GALNT2: variants seen among roughly 807,000 people sequenced by gnomAD.
The protein encoded by GALNT2 is polypeptide N-acetylgalactosaminyltransferase 2.
In GALNT2, 31 loss-of-function variants were observed where a neutral mutation model predicts 81.4. The observed-to-expected ratio is 0.38, with a 90% CI of 0.29 to 0.51. The LOEUF (loss-of-function observed/expected upper bound fraction) is 0.51, where lower values mean the gene tolerates loss of function less well. Ranked by LOEUF, GALNT2 falls within the 20% of genes least tolerant of loss-of-function variation. The probability of loss-of-function intolerance (pLI) is 0.87; values close to 1 mark genes in which losing one functional copy is unlikely to be tolerated. For missense variants in GALNT2, 629 were observed against 765.7 expected (o/e 0.82, Z 2.11); for synonymous variants, 303 against 287.4 (o/e 1.05, Z -0.55).
chr1:230,203,615 A>C (rs550191280), intron 3 of GALNT2, among the ~76,000 whole-genome samples: 1 of 152,330 alleles, frequency 6.6e-6, no homozygotes, highest in South Asian at 2.1e-4. Flanking sequence ...TGATCCATTC[A>C]CAAAAATGCA....
At chr1:230,233,759 T>G (rs1366456304) in intron 3 of GALNT2, among the ~76,000 whole-genome samples, 1 of 152,186 alleles carries the variant, frequency 6.6e-6, no homozygotes, top group Non-Finnish European at 1.5e-5. Context: ...TTAATAAATT[T>G]GTTATTAATG....
At chr1:230,057,798 A>T (rs373836543), upstream of GALNT2, among the ~76,000 whole-genome samples, 543 of 152,340 alleles carry the variant, frequency 3.6e-3, 3 homozygotes, top group African/African-American at 0.012. Context: ...CAGGCACACA[A>T]GGAACTGGCT....
At chr1:230,177,740 AT>A (rs1352863610) in intron 1 of GALNT2, among the ~76,000 whole-genome samples, 1 of 152,192 alleles carries the variant, frequency 6.6e-6, no homozygotes, top group Non-Finnish European at 1.5e-5. Flanking sequence ...GAATTAAATC[AT>A]TTAACACTCT....
chr1:230,108,171 A>C (rs1231043570), intron 1 of GALNT2, among the ~76,000 whole-genome samples: 3 of 152,230 alleles, frequency 2.0e-5, no homozygotes, highest in Non-Finnish European at 4.4e-5. Context: ...CCTGTGAAGC[A>C]ATAGGCACAG....
intron 13 of GALNT2, chr1:230,264,429 C>T (rs1483755301): frequency 6.6e-6 from 1 of 152,214 alleles, no homozygotes; most frequent in Admixed American, 6.5e-5. Flanking sequence ...CAGAGGTCAC[C>T]CATGGTTTGT....
At chr1:230,112,791 G>C (rs565155326) in intron 1 of GALNT2, among the ~76,000 whole-genome samples, 2 of 143,140 alleles carry the variant, frequency 1.4e-5, no homozygotes, top group African/African-American at 5.1e-5. Flanking sequence ...AGTGTGTGTG[G>C]CAGGGGGGTG....
chr1:230,082,415 C>T (rs982132388), intron 1 of GALNT2, among the ~76,000 whole-genome samples: 2 of 152,226 alleles, frequency 1.3e-5, no homozygotes, highest in Non-Finnish European at 2.9e-5. Flanking sequence ...TGGCTTTAAG[C>T]CCTGCCTTGC....
chr1:230,165,137 A>G (rs1662560499), intron 1 of GALNT2, among the ~76,000 whole-genome samples: 1 of 150,802 alleles, frequency 6.6e-6, no homozygotes, highest in Non-Finnish European at 1.5e-5. Context: ...AAAGTCTGAG[A>G]AGGAGAGCCA....
intron 5 of GALNT2, 49 bp downstream of exon 5, chr1:230,236,469 A>G: frequency 6.3e-7 from 1 of 1,584,960 alleles, no homozygotes; most frequent in East Asian, 2.2e-5. Flanking sequence ...TTCTCTGGGC[A>G]CCAGTCTTCC....
chr1:230,158,987 C>T (rs1662347195), intron 1 of GALNT2, among the ~76,000 whole-genome samples: 1 of 152,312 alleles, frequency 6.6e-6, no homozygotes, highest in South Asian at 2.1e-4. Flanking sequence ...ATTATTCTTA[C>T]ATCAGATGTT....
At chr1:230,207,134 A>G (rs961097934) in intron 3 of GALNT2, among the ~76,000 whole-genome samples, 3 of 152,104 alleles carry the variant, frequency 2.0e-5, no homozygotes, top group Non-Finnish European at 2.9e-5. Flanking sequence ...AGTAAATTCA[A>G]TAAGTATTTG....
rs1665764825 is a variant in GALNT2, at chr1:230,257,949, CTG to C, written c.1136+2607_1136+2608del. ...TTTTTTCTTGAGACAGAGTCTTGCT[CTG>C]TTGCCCAGGCTGGAGTGCAAAGGTG... On this transcript the variant is annotated intron_variant, in intron 11 of 15. Transcript: ENST00000366672. This position sits in a 1 kb window ranked among gnomAD's most constrained non-coding sequence, Gnocchi z 4.6. 6.6e-6 allele frequency among the ~76,000 whole-genome samples: 1 copy of C among 152,218 alleles called. No homozygotes were observed. The highest frequency in any genetic ancestry group is 2.1e-4 in the South Asian group (1 of 4,836).
At chr1:230,076,134 C>G (rs550918651) in intron 1 of GALNT2, among the ~76,000 whole-genome samples, 2 of 152,196 alleles carry the variant, frequency 1.3e-5, no homozygotes, top group Admixed American at 1.3e-4. Context: ...CTCTCATAAT[C>G]GCTTCCCTTA....
intron 1 of GALNT2, among the ~76,000 whole-genome samples, chr1:230,095,153 G>A (rs1660215209): frequency 6.6e-6 from 1 of 152,058 alleles, no homozygotes. Flanking sequence ...CCAACAAGCA[G>A]GGAGAGCTAG....
intron 13 of GALNT2, 114 bp from the exon 14 acceptor site, chr1:230,265,127 T>C (rs1451527113): frequency 7.2e-7 from 1 of 1,395,960 alleles, no homozygotes; most frequent in Non-Finnish European, 1.0e-6. Flanking sequence ...GCCTAGTCAC[T>C]GGGTCTTTCT....
chr1:230,058,949 T>C (rs532008428), intron 1 of GALNT2, among the ~76,000 whole-genome samples: 2 of 152,300 alleles, frequency 1.3e-5, no homozygotes, highest in African/African-American at 4.8e-5. Context: ...CTTTTTATAA[T>C]AACCTCCATA....
intron 1 of GALNT2, among the ~76,000 whole-genome samples, chr1:230,169,876 C>T (rs909807904): frequency 5.9e-5 from 9 of 152,284 alleles, no homozygotes; most frequent in East Asian, 1.9e-4. Context: ...CTCTCATTTT[C>T]GCAGCATTGA....
At chr1:230,179,584 G>T (rs1663094747) in intron 2 of GALNT2, among the ~76,000 whole-genome samples, 3 of 152,098 alleles carry the variant, frequency 2.0e-5, no homozygotes, top group Admixed American at 2.0e-4. Flanking sequence ...AGGCTTATTT[G>T]CCATCTGTAT....
At chr1:230,251,710 T>C (rs1480158117) in intron 10 of GALNT2, among the ~76,000 whole-genome samples, 1 of 152,202 alleles carries the variant, frequency 6.6e-6, no homozygotes, top group African/African-American at 2.4e-5. Flanking sequence ...AATGGTTTAG[T>C]GGAAATCCAG....
Sources: allele counts gnomAD v4.1 joint callset (sites outside exome capture counted in the v4.1 genomes callset), GRCh38; gene constraint gnomAD v4.1.1; non-coding constraint Gnocchi (gnomAD v3.1); transcripts MANE v1.5; gene names NCBI Gene and HGNC (gene_info 2026-07-23, HGNC 2026-07-21).